KIAA1671: variants seen among roughly 807,000 people sequenced by gnomAD.
KIAA1671 encodes the protein uncharacterized protein KIAA1671.
KIAA1671 carries 52 observed loss-of-function variants against 131.2 expected under a neutral mutation model. The ratio of observed to expected loss-of-function variants is 0.40; its 90% CI spans 0.32 to 0.50. KIAA1671 has a LOEUF of 0.50. Ranked by LOEUF, KIAA1671 falls within the 20% of genes least tolerant of loss-of-function variation. The pLI is 0.73. For missense variants in KIAA1671, 2,360 were observed against 2,364.2 expected (o/e 1.00, Z 0.04); for synonymous variants, 1,003 against 961.6 (o/e 1.04, Z -0.80).
chr22:25,134,368 G>T (rs142315376), intron 6 of KIAA1671, among the ~76,000 whole-genome samples: 1 of 151,984 alleles, frequency 6.6e-6, no homozygotes, highest in Non-Finnish European at 1.5e-5. Context: ...TGCTCTCCTG[G>T]TATTGGTATG....
chr22:25,146,802 C>T (rs1932887519), intron 6 of KIAA1671, among the ~76,000 whole-genome samples: 1 of 152,114 alleles, frequency 6.6e-6, no homozygotes, highest in African/African-American at 2.4e-5. Flanking sequence ...CAGTCAGTGC[C>T]CAATCAGTGT....
At position 25,130,980 on chromosome 22, in the gene KIAA1671, G is replaced by T. The variant is rs7289166; in HGVS notation, c.4531-39840G>T. Among the ~76,000 whole-genome samples the T allele has an allele frequency of 8.6e-4, 131 of 152,318 alleles. 1 individual carries two copies. Among genetic ancestry groups the T allele is most frequent in the African/African-American group, 3.1e-3 (129 of 41,570 alleles). On this transcript the variant is annotated intron_variant, in intron 6 of 12. Coordinates refer to ENST00000358431, the MANE Select transcript of KIAA1671 (RefSeq NM_001145206.2). ...TTGGACTAATATGATTTTGCTTAAA[G>T]AGATTTTTTTTCTAAAGCTCAAAAA...
intron 6 of KIAA1671, among the ~76,000 whole-genome samples, chr22:25,081,311 C>G (rs1929393753): frequency 6.6e-6 from 1 of 152,230 alleles, no homozygotes; most frequent in Non-Finnish European, 1.5e-5. Flanking sequence ...CAGAGTCAGA[C>G]AGATGTGGGT....
chr22:25,122,750 C>T (rs908180291), intron 6 of KIAA1671, among the ~76,000 whole-genome samples: 8 of 152,056 alleles, frequency 5.3e-5, no homozygotes, highest in Non-Finnish European at 1.2e-4. Flanking sequence ...CGAGGCGGGC[C>T]GATCACGAGG....
chr22:25,101,374 C>A (rs1351678249), intron 6 of KIAA1671, among the ~76,000 whole-genome samples: 1 of 152,192 alleles, frequency 6.6e-6, no homozygotes, highest in Non-Finnish European at 1.5e-5. Context: ...GGCCACATGG[C>A]AGACTCTCCA....
intron 6 of KIAA1671, among the ~76,000 whole-genome samples, chr22:25,079,448 T>C (rs1929284693): frequency 6.6e-6 from 1 of 152,016 alleles, no homozygotes; most frequent in Non-Finnish European, 1.5e-5. Flanking sequence ...CGTTGTATAG[T>C]ATGTCAGGAG....
In KIAA1671 at chr22:25,028,166, G is replaced by A; in HGVS notation, c.167G>A (p.Ser56Asn). 1 of 1,550,308 alleles carries A rather than the reference G, an allele frequency of 6.5e-7. No individual in the cohort carries two copies. The highest frequency in any genetic ancestry group is 1.2e-5 in the South Asian group (1 of 83,954). Reference protein sequence around the residue: ...RILEAKSPLRSPARLLPLPRL... With the variant: ...RILEAKSPLRNPARLLPLPRL... Reference sequence around the variant, plus strand: ...TTGGAAGCGAAGAGCCCCCTGCGGAGCCCGGCCCGGTTACTCCCTCTGCCA... The same window carrying A: ...TTGGAAGCGAAGAGCCCCCTGCGGAACCCGGCCCGGTTACTCCCTCTGCCA... The change falls in exon 3 of 13, where the codon AGC (serine) becomes AAC (asparagine). Residue 56 changes from serine (S) to asparagine (N), a missense_variant. By Grantham distance (46) the Ser-to-Asn change is conservative (BLOSUM62 1). Transcript: ENST00000358431.
At chr22:25,120,847 C>G (rs1257723135) in intron 6 of KIAA1671, among the ~76,000 whole-genome samples, 1 of 152,178 alleles carries the variant, frequency 6.6e-6, no homozygotes, top group African/African-American at 2.4e-5. Flanking sequence ...ATTTATTAAC[C>G]TGTCTGGCTG....
rs1926821156 is a variant in KIAA1671, at chr22:25,039,956, G to A, written c.2826G>A (p.Gln942=). ...VRMRKAGAMD[Q]RMDRWRRRTL... is the part of the protein sequence containing the mutation. ...TGCGGAAAGCCGGCGCCATGGACCA[G>A]AGAATGGACAGATGGCGGCGGCGGA... Residue 942 remains glutamine, a synonymous_variant, in exon 5 of 13, where the codon CAG becomes CAA. Coordinates refer to ENST00000358431, the MANE Select transcript of KIAA1671 (RefSeq NM_001145206.2). 6.4e-7 allele frequency: 1 copy of A among 1,551,266 alleles called. No homozygotes were observed. The highest frequency in any genetic ancestry group is 8.7e-7 in the Non-Finnish European group (1 of 1,146,860).
At chr22:25,029,564 C>G in intron 3 of KIAA1671, 24 bp downstream of exon 3, 1 of 1,469,342 alleles carries the variant, frequency 6.8e-7, no homozygotes, top group Non-Finnish European at 9.1e-7. Flanking sequence ...TCCCACACCC[C>G]TCTCTCAGCC....
intron 1 of KIAA1671, among the ~76,000 whole-genome samples, chr22:25,003,673 A>C (rs996186916): frequency 3.3e-5 from 5 of 151,970 alleles, no homozygotes; most frequent in African/African-American, 1.2e-4. Flanking sequence ...CGGCCTCCCA[A>C]AGTGCTGGGA....
At chr22:25,162,466 A>C (rs1019811411) in intron 6 of KIAA1671, among the ~76,000 whole-genome samples, 3 of 152,180 alleles carry the variant, frequency 2.0e-5, no homozygotes, top group Non-Finnish European at 2.9e-5. Context: ...GGATGTGTCA[A>C]ACACCCCAAA....
chr22:24,977,936 A>G (rs996050683), intron 1 of KIAA1671, among the ~76,000 whole-genome samples: 1 of 152,170 alleles, frequency 6.6e-6, no homozygotes, highest in African/African-American at 2.4e-5. Flanking sequence ...GCTTCTTGTG[A>G]GTGTCTTTCA....
chr22:24,995,889 CTCTGGAAGTCCCTGT>C (rs1924106988), intron 1 of KIAA1671, among the ~76,000 whole-genome samples: 1 of 152,204 alleles, frequency 6.6e-6, no homozygotes, highest in Non-Finnish European at 1.5e-5. Flanking sequence ...AGATGACTGG[CTCTGGAAGTCCCTGT>C]TCTGAACAGT....
chr22:25,075,605 C>T (rs925636431), intron 6 of KIAA1671, among the ~76,000 whole-genome samples: 1 of 151,410 alleles, frequency 6.6e-6, no homozygotes, highest in South Asian at 2.1e-4. Flanking sequence ...GATTCTCCTG[C>T]CTCAGCCTCC....
chr22:25,142,523 T>C (rs1465801536), intron 6 of KIAA1671, among the ~76,000 whole-genome samples: 1 of 152,158 alleles, frequency 6.6e-6, no homozygotes, highest in Non-Finnish European at 1.5e-5. Context: ...AAATGCTTTT[T>C]TGGGTCCACA....
rs374342090 is a variant in KIAA1671, at chr22:25,029,378, T to A, written c.1379T>A (p.Leu460Gln). The A allele has an allele frequency of 3.2e-6, 5 of 1,551,356 alleles. No homozygotes were observed. The highest frequency in any genetic ancestry group is 4.4e-6 in the Non-Finnish European group (5 of 1,146,828). The change falls in exon 3 of 13, where the codon CTG becomes CAG. Residue 460 changes from leucine to glutamine, a missense_variant. This residue lies in a region of KIAA1671 where 1,185 missense variants were observed against 1,126.2 expected (regional missense o/e 1.05). Coordinates refer to ENST00000358431, the MANE Select transcript of KIAA1671 (RefSeq NM_001145206.2). The part of the protein sequence containing the change: ...LALAVGSESP[L>Q]ATPASPSAAP... ...TTGGCAGTGGGGTCTGAATCTCCCC[T>A]GGCCACCCCTGCGTCCCCATCGGCG... is the stretch of plus-strand genomic sequence containing the variant.
intron 6 of KIAA1671, among the ~76,000 whole-genome samples, chr22:25,092,046 C>T (rs1930051161): frequency 6.6e-6 from 1 of 152,098 alleles, no homozygotes; most frequent in Admixed American, 6.6e-5. Context: ...TTTCTCTGTG[C>T]CCGACGCTGT....
At chr22:25,169,161 A>G (rs1933753883) in intron 6 of KIAA1671, among the ~76,000 whole-genome samples, 1 of 152,074 alleles carries the variant, frequency 6.6e-6, no homozygotes, top group Non-Finnish European at 1.5e-5. Context: ...CATGCAATGT[A>G]ATTGCAATGC....
Sources: allele counts gnomAD v4.1 joint callset (sites outside exome capture counted in the v4.1 genomes callset), GRCh38; gene constraint gnomAD v4.1.1; regional missense constraint gnomAD v4.1.1; transcripts MANE v1.5; gene names NCBI Gene and HGNC (gene_info 2026-07-23, HGNC 2026-07-21).